The following KREMEN1 variants were observed in gnomAD, a reference collection of about 807,000 sequenced individuals.
KREMEN1 encodes kringle containing transmembrane protein 1.
In KREMEN1, 30 loss-of-function variants were observed where a neutral mutation model predicts 46.5. The observed-to-expected ratio is 0.65, with a 90% CI of 0.48 to 0.88. The LOEUF is 0.88. Among genes scored for constraint, KREMEN1 ranks in the 40% least tolerant of loss-of-function variants. KREMEN1 has a pLI of 0.00. For synonymous variants in KREMEN1, 214 were observed against 230.6 expected (o/e 0.93, Z 0.65); for missense variants, 533 against 596.9 (o/e 0.89, Z 1.11).
At chr22:29,103,963 G>T (rs1034357919) in intron 3 of KREMEN1, among the ~76,000 whole-genome samples, 3 of 151,830 alleles carry the variant, frequency 2.0e-5, no homozygotes, top group Admixed American at 1.3e-4. Context: ...AACAAGAATG[G>T]TTTAAAAAAA....
At chr22:29,159,233 T>C (rs1373042921) in intron 9 of KREMEN1, among the ~76,000 whole-genome samples, 3 of 151,462 alleles carry the variant, frequency 2.0e-5, no homozygotes, top group African/African-American at 7.3e-5. Context: ...CCCAAAGTGC[T>C]GGGATTTCAG....
At chr22:29,078,289 T>G (rs134605) in intron 1 of KREMEN1, among the ~76,000 whole-genome samples, 97,564 of 151,888 alleles carry the variant, frequency 0.64, 31,540 homozygotes, top group Middle Eastern at 0.78. Flanking sequence ...CAAAAACACC[T>G]TGAAAATGTC....
intron 9 of KREMEN1, among the ~76,000 whole-genome samples, chr22:29,157,953 CT>C (rs1390847019): frequency 6.6e-6 from 1 of 152,196 alleles, no homozygotes; most frequent in Non-Finnish European, 1.5e-5. Flanking sequence ...ATTTCATTGT[CT>C]GTTACAGGTC....
intron 5 of KREMEN1, among the ~76,000 whole-genome samples, chr22:29,128,793 T>G (rs1430244847): frequency 1.3e-5 from 2 of 152,224 alleles, no homozygotes; most frequent in African/African-American, 4.8e-5. Flanking sequence ...AAGTAATTTG[T>G]CTATGCTAGT....
chr22:29,146,987 C>T (rs1186155482), downstream of KREMEN1, among the ~76,000 whole-genome samples: 1 of 152,040 alleles, frequency 6.6e-6, no homozygotes, highest in African/African-American at 2.4e-5. Flanking sequence ...GTGACAGCTT[C>T]GACCCACAGC....
Position 29,144,333 on chromosome 22 carries a change from G to A in KREMEN1, c.*2221G>A. 1.0e-6 allele frequency: 1 copy of A among 985,776 alleles called. No individual in the cohort carries two copies. The highest frequency in any genetic ancestry group is 1.2e-6 in the Non-Finnish European group (1 of 830,178). 61.1% of individuals were successfully genotyped at this position (985,776 alleles called of 1,614,324 possible). A position where few individuals can be genotyped will look rare whatever the true frequency, so the allele number is the denominator to read the frequency against. On this transcript the variant is annotated 3_prime_UTR_variant, in exon 9 of 9. Transcript: ENST00000400335. ...GGCACTCGGCAGCCTGAGTTCAGGA[G>A]AGGTGCTTGGAGCTTCAGGCAGAGG...
At chr22:29,154,849 A>G (rs1601822266) in intron 9 of KREMEN1, 1 of 152,056 alleles carries the variant, frequency 6.6e-6, no homozygotes, top group East Asian at 1.9e-4. Flanking sequence ...AAATAATGTC[A>G]CAGGTGTCCT....
At chr22:29,080,645 A>G (rs1474858328) in intron 1 of KREMEN1, among the ~76,000 whole-genome samples, 1 of 152,230 alleles carries the variant, frequency 6.6e-6, no homozygotes, top group Non-Finnish European at 1.5e-5. Flanking sequence ...ATCTTTAGTT[A>G]TATGACCACT....
At position 29,076,669 on chromosome 22, in the gene KREMEN1, G is replaced by A. The variant is rs922734571; in HGVS notation, c.97+3442G>A. 7.9e-5 allele frequency among the ~76,000 whole-genome samples: 12 copies of A among 152,242 alleles called. No homozygotes were observed. The South Asian group carries it at 2.5e-3, about 32-fold the overall frequency. On this transcript the variant is annotated intron_variant, in intron 1 of 8. Coordinates refer to ENST00000400335, the MANE Select transcript of KREMEN1 (RefSeq NM_001039570.3). ...AGTTCAAGGCCAGCCTGGCCAACAT[G>A]GTGAAACCCCATCTCTACTAAAAAT...
intron 9 of KREMEN1, among the ~76,000 whole-genome samples, chr22:29,157,173 C>T (rs987615746): frequency 2.0e-5 from 3 of 152,132 alleles, no homozygotes; most frequent in Admixed American, 6.5e-5. Flanking sequence ...GGGGGCTCCA[C>T]GCAAAGATTA....
At chr22:29,102,319 A>G (rs961381861) in intron 3 of KREMEN1, among the ~76,000 whole-genome samples, 7 of 152,178 alleles carry the variant, frequency 4.6e-5, no homozygotes, top group African/African-American at 1.7e-4. Flanking sequence ...GCCTTCATCC[A>G]GTCCCCAAAC....
chr22:29,121,287 A>G (rs2038352000), intron 3 of KREMEN1, 70 bp from the exon 4 acceptor site: 1 of 1,585,514 alleles, frequency 6.3e-7, no homozygotes, highest in Non-Finnish European at 8.6e-7. Flanking sequence ...ACCTGGCACA[A>G]ATCGCTTTTC....
Position 29,143,738 on chromosome 22 carries a change from T to C in KREMEN1, c.*1626T>C, listed in dbSNP as rs2038807783. On this transcript the variant is annotated 3_prime_UTR_variant, in exon 9 of 9. Transcript: ENST00000400335. ...GCCTGGGTGACAGTGCAAGACTCTGTCTCAAAAAAAAAAAAAACACTCCAA... is the reference window on the plus strand; with the variant it reads ...GCCTGGGTGACAGTGCAAGACTCTGCCTCAAAAAAAAAAAAAACACTCCAA... 9.3e-6 allele frequency: 9 copies of C among 966,328 alleles called. No homozygotes were observed. Among genetic ancestry groups the C allele is most frequent in the Non-Finnish European group, 1.1e-5 (9 of 816,174 alleles). The allele number at this position is 966,328 out of a possible 1,614,324, so 59.9% of individuals were successfully genotyped here.
intron 1 of KREMEN1, among the ~76,000 whole-genome samples, chr22:29,080,567 C>T (rs1233030834): frequency 6.6e-6 from 1 of 152,214 alleles, no homozygotes; most frequent in Non-Finnish European, 1.5e-5. Flanking sequence ...GCTGAAATGA[C>T]TAGGCCTTCT....
intron 5 of KREMEN1, among the ~76,000 whole-genome samples, chr22:29,131,687 C>CATGTATATATGTGTATATAT (rs1259258857): frequency 8.3e-4 from 76 of 91,184 alleles, no homozygotes; most frequent in Non-Finnish European, 1.1e-3. Flanking sequence ...TGCATATATA[C>CATGTATATATGTGTATATAT]ATGTATATAT....
intron 8 of KREMEN1, 84 bp from the exon 9 acceptor site, chr22:29,141,860 A>G (rs372073143): frequency 8.7e-7 from 1 of 1,146,194 alleles, no homozygotes. Context: ...GCCCCACCCC[A>G]TTTCATAGAT....
intron 2 of KREMEN1, among the ~76,000 whole-genome samples, chr22:29,095,286 G>C (rs1421506143): frequency 6.6e-6 from 1 of 152,118 alleles, no homozygotes; most frequent in East Asian, 1.9e-4. Context: ...CTCTAGCAGG[G>C]GATCTTAACC....
chr22:29,155,601 C>T (rs774023891), intron 9 of KREMEN1, among the ~76,000 whole-genome samples: 9 of 152,102 alleles, frequency 5.9e-5, no homozygotes, highest in Non-Finnish European at 8.8e-5. Flanking sequence ...TTATATGTGG[C>T]TTGAATCTCT....
intron 4 of KREMEN1, among the ~76,000 whole-genome samples, chr22:29,123,014 A>G: frequency 6.6e-6 from 1 of 151,898 alleles, no homozygotes; most frequent in South Asian, 2.1e-4. Flanking sequence ...ACAGTAGGCT[A>G]ATTGAAAGAA....
Sources: gnomAD v4.1 joint callset for allele counts (sites outside exome capture counted in the v4.1 genomes callset) on GRCh38, gnomAD v4.1.1 for gene constraint, MANE v1.5 for transcripts, NCBI Gene and HGNC (gene_info 2026-07-23, HGNC 2026-07-21) for gene names.